Variants in MAST4 observed in about 807,000 individuals in gnomAD.
The protein encoded by MAST4 is microtubule-associated serine/threonine-protein kinase 4.
A neutral mutation model predicts 162.7 loss-of-function variants in MAST4; 89 were observed. The ratio of observed to expected loss-of-function variants is 0.55; its 90% CI spans 0.46 to 0.65. MAST4 has a LOEUF of 0.65. Among genes scored for constraint, MAST4 ranks in the 30% least tolerant of loss-of-function variants. The pLI, the probability that MAST4 is intolerant of heterozygous loss-of-function variation, is 0.00. For synonymous variants in MAST4, 1,479 were observed against 1,361.1 expected, an observed-to-expected ratio of 1.09 and a Z score of -1.91; for missense variants, 3,153 against 3,374.0, an observed-to-expected ratio of 0.93 and a Z score of 1.62.
chr5:66,817,522 A>T (rs1421121166), intron 3 of MAST4, among the ~76,000 whole-genome samples: 1 of 152,238 alleles, frequency 6.6e-6, no homozygotes. Context: ...AAGTGCTGTC[A>T]ATTTCTAACA....
At chr5:67,125,081 T>C (rs911424740) in intron 14 of MAST4, among the ~76,000 whole-genome samples, 5 of 152,238 alleles carry the variant, frequency 3.3e-5, no homozygotes, top group Non-Finnish European at 7.4e-5. Context: ...GCACTAAACT[T>C]ACTAAAAAAC....
rs1278047342 is a variant in MAST4 at position 67,136,611 on chromosome 5, A to G, written c.2441A>G (p.Gln814Arg). 1 of 1,607,440 alleles carries G rather than the reference A, an allele frequency of 6.2e-7. No homozygotes were observed. The highest frequency in any genetic ancestry group is 1.1e-5 in the South Asian group (1 of 89,066). The change falls in exon 19 of 29, where the codon CAG becomes CGG. Residue 814 changes from glutamine to arginine, a missense_variant. Gln to Arg is a conservative substitution (Grantham distance 43). Transcript: ENST00000403625. ...EKDEAPPPDA[Q>R]DLITLLLRQN... ...GATGAGGCACCCCCACCTGATGCCC[A>G]GGATCTGATTACCTTACTCCTCAGG...
At chr5:67,017,785 G>A (rs1753492497) in intron 4 of MAST4, among the ~76,000 whole-genome samples, 1 of 151,722 alleles carries the variant, frequency 6.6e-6, no homozygotes, top group Admixed American at 6.6e-5. Context: ...TTTTAGTAGA[G>A]ACGGGGTTTC....
chr5:67,167,135 G>A lies in MAST4; in HGVS notation c.*84G>A. The A allele has an allele frequency of 8.0e-7, 1 of 1,248,112 alleles. No individual in the cohort carries two copies. The highest frequency in any genetic ancestry group is 1.1e-6 in the Non-Finnish European group (1 of 930,204). 77.3% of individuals were successfully genotyped at this position (1,248,112 alleles called of 1,614,324 possible). On this transcript the variant is annotated 3_prime_UTR_variant, in exon 29 of 29. Coordinates refer to ENST00000403625, the MANE Select transcript of MAST4 (RefSeq NM_001164664.2). ...GACTACCTTTCAAAACCAGCACTGTGTGGGAATGTCCGCCAGGCAGAGCTC... is the reference window on the plus strand; with the variant it reads ...GACTACCTTTCAAAACCAGCACTGTATGGGAATGTCCGCCAGGCAGAGCTC...
intron 4 of MAST4, among the ~76,000 whole-genome samples, chr5:67,011,141 G>C (rs1314369119): frequency 6.6e-6 from 1 of 152,106 alleles, no homozygotes; most frequent in Non-Finnish European, 1.5e-5. Context: ...GTTTAGGTTT[G>C]GAGTTTCTCT....
At chr5:67,162,064 T>G (rs1773243550) in intron 27 of MAST4, among the ~76,000 whole-genome samples, 1 of 152,170 alleles carries the variant, frequency 6.6e-6, no homozygotes, top group Non-Finnish European at 1.5e-5. Flanking sequence ...AGCTTCACCT[T>G]TCTCGGTTTT....
intron 12 of MAST4, among the ~76,000 whole-genome samples, chr5:67,118,400 G>C (rs1036894667): frequency 2.0e-5 from 3 of 152,212 alleles, no homozygotes; most frequent in African/African-American, 7.2e-5. Context: ...GCCTTTCCAA[G>C]CTGTGGTGAT....
At chr5:66,615,586 G>A (rs551501204) in intron 1 of MAST4, among the ~76,000 whole-genome samples, 37 of 152,138 alleles carry the variant, frequency 2.4e-4, no homozygotes, top group Non-Finnish European at 4.9e-4. Flanking sequence ...AGGCTGAAGC[G>A]GGAGGATCAT....
intron 3 of MAST4, among the ~76,000 whole-genome samples, chr5:66,830,049 C>T (rs1382240559): frequency 6.6e-6 from 1 of 152,110 alleles, no homozygotes; most frequent in Non-Finnish European, 1.5e-5. Context: ...TTCATCACCT[C>T]TATAAAGTTC....
intron 4 of MAST4, among the ~76,000 whole-genome samples, chr5:66,972,860 T>C (rs1417044109): frequency 1.3e-5 from 2 of 152,238 alleles, no homozygotes; most frequent in Non-Finnish European, 2.9e-5. Context: ...TCTAGCCTCA[T>C]TGGACTCTGC....
Position 66,621,212 on chromosome 5 carries a change from G to T in MAST4, c.363+24194G>T, listed in dbSNP as rs532887373. Among the ~76,000 whole-genome samples, 617 of 152,274 alleles carry T rather than the reference G, an allele frequency of 4.1e-3. 4 individuals are homozygous for T. The highest frequency in any genetic ancestry group is 0.014 in the African/African-American group (586 of 41,568). On this transcript the variant is annotated intron_variant, in intron 1 of 28. Transcript: ENST00000403625. ...TCATGTTCATTTGAGAGTAGAATTT[G>T]ATTCTGGGGACCTCAAATAACAGAA...
intron 27 of MAST4, 116 bp downstream of exon 27, chr5:67,160,708 G>A (rs1275190150): frequency 8.8e-7 from 1 of 1,135,134 alleles, no homozygotes; most frequent in Non-Finnish European, 1.2e-6. Flanking sequence ...GAAATTTTAT[G>A]TTATGGTTCA....
rs1762123923 is a variant in MAST4, at chr5:67,078,894, T to TTATATAAA, written c.764-11262_764-11261insAATATATA. The stretch of plus-strand genomic sequence containing the variant: ...TATTTATATAAATATATTTATATAT[T>TTATATAAA]TATATATTTTTATATAAATATATAT... On this transcript the variant is annotated intron_variant, in intron 5 of 28. Coordinates refer to ENST00000403625, the MANE Select transcript of MAST4 (RefSeq NM_001164664.2). Among the ~76,000 whole-genome samples the TTATATAAA allele has an allele frequency of 7.7e-5, 5 of 65,032 alleles. No homozygotes were observed. The South Asian group carries it at 2.5e-3, about 33-fold the overall frequency. 42.7% of individuals were successfully genotyped at this position (65,032 alleles called of 152,430 possible).
chr5:66,666,009 G>A (rs144301460), intron 1 of MAST4, among the ~76,000 whole-genome samples: 1 of 152,208 alleles, frequency 6.6e-6, no homozygotes, highest in Non-Finnish European at 1.5e-5. Flanking sequence ...AAAAATACCA[G>A]TACATGGGTA....
intron 3 of MAST4, among the ~76,000 whole-genome samples, chr5:66,822,150 G>A (rs938156645): frequency 6.6e-6 from 1 of 152,170 alleles, no homozygotes; most frequent in African/African-American, 2.4e-5. Context: ...GCCTGCATGG[G>A]GACTGGCTCT....
intron 2 of MAST4, 68 bp downstream of exon 2, chr5:66,759,930 G>T (rs1753760127): frequency 6.5e-7 from 1 of 1,538,356 alleles, no homozygotes; most frequent in African/African-American, 1.4e-5. Flanking sequence ...TGGCCCCAGA[G>T]TTCCACATGT....
intron 2 of MAST4, among the ~76,000 whole-genome samples, chr5:66,773,288 T>TGTC (rs1457072243): frequency 3.9e-5 from 6 of 152,228 alleles, no homozygotes; most frequent in Non-Finnish European, 7.3e-5. Context: ...CATGTTCCAT[T>TGTC]GTCATTCAAG....
chr5:66,971,076 A>T (rs77561659), intron 4 of MAST4, among the ~76,000 whole-genome samples: 1 of 152,078 alleles, frequency 6.6e-6, no homozygotes, highest in East Asian at 1.9e-4. Context: ...TCGGGACTTC[A>T]ATTTGTGGTC....
intron 4 of MAST4, among the ~76,000 whole-genome samples, chr5:66,952,708 G>A (rs112812348): frequency 6.6e-6 from 1 of 152,156 alleles, no homozygotes; most frequent in Non-Finnish European, 1.5e-5. Flanking sequence ...CATTGAATGA[G>A]CCTGCCTTGT....
Sources: gnomAD v4.1 joint callset for allele counts (sites outside exome capture counted in the v4.1 genomes callset) on GRCh38, gnomAD v4.1.1 for gene constraint, MANE v1.5 for transcripts, NCBI Gene and HGNC (gene_info 2026-07-23, HGNC 2026-07-21) for gene names.